PRDM7: variants seen among roughly 807,000 people sequenced by gnomAD.
PRDM7 encodes the protein histone-lysine N-methyltransferase PRDM7.
A neutral mutation model predicts 64.3 loss-of-function variants in PRDM7; 52 were observed. That is an observed-to-expected ratio of 0.81 (90% CI 0.65 to 1.02). The LOEUF (loss-of-function observed/expected upper bound fraction) is 1.02. PRDM7 is among the 50% of genes least tolerant of loss of function. The pLI, the probability that PRDM7 is intolerant of heterozygous loss-of-function variation, is 0.00. For missense variants in PRDM7, 574 were observed against 597.1 expected, an observed-to-expected ratio of 0.96 and a Z score of 0.40; for synonymous variants, 192 against 210.1, an observed-to-expected ratio of 0.91 and a Z score of 0.74.
intron 4 of PRDM7, among the ~76,000 whole-genome samples, chr16:90,067,529 T>C (rs1165829304): frequency 1.3e-5 from 2 of 150,358 alleles, no homozygotes; most frequent in Non-Finnish European, 2.9e-5. Flanking sequence ...ACAAACACAC[T>C]GAACAAACTA....
At position 90,075,371 on chromosome 16, in the gene PRDM7, T is replaced by C. The variant is rs773645588; in HGVS notation, c.173A>G (p.Tyr58Cys). 143 of 1,614,264 alleles carry C rather than the reference T, an allele frequency of 8.9e-5. No homozygotes were observed. In the Middle Eastern group the frequency reaches 9.9e-4, roughly 11 times the overall value. ...GTTACCTACAGTAATCAGTGCATTA[T>C]AGTTCATTTTCACATTCCTATAGCG... ...KTRYRNVKMN[Y>C]NALITVGLRA... The change falls in exon 3 of 11, where the codon TAT becomes TGT. Residue 58 changes from tyrosine (Y) to cysteine (C), a missense_variant. Transcript: ENST00000449207. This position sits in a 1 kb window ranked among gnomAD's most constrained non-coding sequence, Gnocchi z 4.3.
Position 90,060,564 on chromosome 16 carries a change from C to T in PRDM7, c.1010G>A (p.Arg337Lys), listed in dbSNP as rs1303225730. The T allele has an allele frequency of 6.2e-7, 1 of 1,614,106 alleles. No individual in the cohort carries two copies. Among genetic ancestry groups the T allele is most frequent in the Admixed American group, 1.7e-5 (1 of 60,028 alleles). The change falls in exon 10 of 11, where the codon AGG becomes AAG. Residue 337 changes from arginine (R) to lysine (K), a missense_variant. Transcript: ENST00000449207. ...EQNLVAFQYHRQIFYRTCRVI... is the reference protein window; with the variant it reads ...EQNLVAFQYHKQIFYRTCRVI... ...TCGGCAGGTTCTATAGAAGATCTGC[C>T]TGTGGTACTGGAAGGCCACCAGGTT...
intron 4 of PRDM7, among the ~76,000 whole-genome samples, chr16:90,074,283 G>A (rs79034031): frequency 3.4e-5 from 5 of 147,970 alleles, no homozygotes; most frequent in South Asian, 2.2e-4. Context: ...AATCATCATC[G>A]TCATCATCAT....
Position 90,067,644 on chromosome 16 carries a change from G to A in PRDM7, c.302-734C>T, listed in dbSNP as rs548663621. The stretch of plus-strand genomic sequence containing the variant: ...CTCGCTCTGTCACCCAGGCTGGAGT[G>A]CAGGGGCGCGAGGTCGGCTCACTGC... On this transcript the variant is annotated intron_variant, in intron 4 of 10. Transcript: ENST00000449207. 1.8e-3 allele frequency among the ~76,000 whole-genome samples: 254 copies of A among 143,754 alleles called. 1 individual carries two copies. Among genetic ancestry groups the A allele is most frequent in the Non-Finnish European group, 3.1e-3 (208 of 67,134 alleles). The allele number at this position is 143,754 out of a possible 152,430, so 94.3% of individuals were successfully genotyped here. A position where few individuals can be genotyped will look rare whatever the true frequency, so the allele number is the denominator to read the frequency against.
chr16:90,061,818 T>G (rs2037782393), intron 8 of PRDM7, 103 bp downstream of exon 8: 2 of 1,548,092 alleles, frequency 1.3e-6, no homozygotes, highest in African/African-American at 1.4e-5. Context: ...GAGCTAACCA[T>G]GTTATCCCTA....
At chr16:90,065,732 C>G (rs886647178) in intron 5 of PRDM7, among the ~76,000 whole-genome samples, 1 of 151,358 alleles carries the variant, frequency 6.6e-6, no homozygotes, top group Non-Finnish European at 1.5e-5. Flanking sequence ...CAGACTCTGT[C>G]TCAAACTACC....
rs189139820 is a variant in PRDM7 at position 90,068,586 on chromosome 16, T to C, written c.302-1676A>G. 2.0e-3 allele frequency among the ~76,000 whole-genome samples: 289 copies of C among 145,846 alleles called. 3 individuals are homozygous for C. The highest frequency in any genetic ancestry group is 3.4e-3 in the Non-Finnish European group (226 of 67,194). Reference sequence around the variant, plus strand: ...GGAAGTGGAGCTTGTAGTGAGCCGATATCATGCCACTGCACTCCAGCCTGG... The same window carrying C: ...GGAAGTGGAGCTTGTAGTGAGCCGACATCATGCCACTGCACTCCAGCCTGG... On this transcript the variant is annotated intron_variant, in intron 4 of 10. Transcript: ENST00000449207.
At chr16:90,065,374 C>CA (rs2037855581) in intron 5 of PRDM7, among the ~76,000 whole-genome samples, 1 of 63,630 alleles carries the variant, frequency 1.6e-5, no homozygotes, top group South Asian at 4.8e-4. Flanking sequence ...GCCTGGGTAA[C>CA]AAGAGTGAAA....
At position 90,061,443 on chromosome 16, in the gene PRDM7, T is replaced by G; in HGVS notation, c.950+9A>C. On this transcript the variant is annotated intron_variant, in intron 9 of 10. Transcript: ENST00000449207. ...TTCTCTCTGAAACTAAGAGACCTAG[T>G]GGCCTTACCTCATCCAGTTGGCCGA... The G allele has an allele frequency of 6.3e-7, 1 of 1,580,004 alleles. No homozygotes were observed. Among genetic ancestry groups the G allele is most frequent in the Non-Finnish European group, 8.7e-7 (1 of 1,148,952 alleles).
At chr16:90,068,869 C>T (rs2037917275) in intron 4 of PRDM7, among the ~76,000 whole-genome samples, 1 of 151,104 alleles carries the variant, frequency 6.6e-6, no homozygotes, top group African/African-American at 2.5e-5. Flanking sequence ...TAAGGAGACA[C>T]AAATAGATGG....
In PRDM7 at chr16:90,066,526, AT is replaced by A. The variant is rs1446282303; in HGVS notation, c.351+334del. ...TGTGATCCCAGGGATATAACTGAAC[AT>A]TTTTATACCTCAGTTTCCTAACCTG... On this transcript the variant is annotated intron_variant, in intron 5 of 10. Transcript: ENST00000449207. Among the ~76,000 whole-genome samples the A allele has an allele frequency of 4.6e-5, 7 of 151,350 alleles. No individual in the cohort carries two copies. The East Asian group carries it at 1.3e-3, about 29-fold the overall frequency.
At chr16:90,072,294 A>G (rs978468528) in intron 4 of PRDM7, among the ~76,000 whole-genome samples, 1 of 152,208 alleles carries the variant, frequency 6.6e-6, no homozygotes, top group African/African-American at 2.4e-5. Context: ...TAGTTATTAC[A>G]GCATTATTCA....
At position 90,060,415 on chromosome 16, in the gene PRDM7, T is replaced by A. The variant is rs376401117; in HGVS notation, c.1159A>T (p.Met387Leu). 6.2e-7 allele frequency: 1 copy of A among 1,613,076 alleles called. No individual in the cohort carries two copies. The highest frequency in any genetic ancestry group is 8.5e-7 in the Non-Finnish European group (1 of 1,179,744). Residue 387 changes from methionine to leucine, a missense_variant, in exon 10 of 11, where the codon ATG becomes TTG. Met to Leu is a conservative substitution (Grantham distance 15). Transcript: ENST00000449207. ...CAGTTCCTGGCCATACTCATCCCCA[T>A]ACCAGACCAGCAGTTCACAGCCTGG... ...LGQAVNCWSG[M>L]GMSMARNWAS...
At chr16:90,061,404 G>A (rs1167959478) in intron 9 of PRDM7, 48 bp downstream of exon 9, 10 of 1,524,244 alleles carry the variant, frequency 6.6e-6, no homozygotes, top group Admixed American at 1.7e-5. Flanking sequence ...GTCCGGGTTT[G>A]TGAGAGATGG....
chr16:90,062,294 TGTAC>T, intron 7 of PRDM7, 102 bp from the exon 8 acceptor site: 1 of 1,613,758 alleles, frequency 6.2e-7, no homozygotes, highest in Non-Finnish European at 8.5e-7. Flanking sequence ...GCCCCAATCC[TGTAC>T]TTTAATTCAT....
chr16:90,064,517 G>T (rs1388201034), intron 5 of PRDM7, among the ~76,000 whole-genome samples: 1 of 151,950 alleles, frequency 6.6e-6, no homozygotes, highest in African/African-American at 2.4e-5. Context: ...AGGTTCAAGA[G>T]ATTTTCCTAC....
chr16:90,058,609 T>C (rs1360993609), intron 10 of PRDM7, 75 bp from the exon 11 acceptor site: 1 of 1,515,484 alleles, frequency 6.6e-7, no homozygotes, highest in Non-Finnish European at 9.2e-7. Context: ...GAAGATCAAA[T>C]GAAGAACCAG....
chr16:90,073,402 A>AT (rs536683798), intron 4 of PRDM7, among the ~76,000 whole-genome samples: 2,683 of 141,654 alleles, frequency 0.019, 26 homozygotes, highest in Non-Finnish European at 0.021. Context: ...AAGAATGACA[A>AT]TTTTTTTTTT....
chr16:90,075,211 A>T lies in PRDM7; in HGVS notation c.193+140T>A. ...ACACAACCCTGCACTGACGCAAAAG[A>T]ACAATATTTCCCTCCAGATTTGTCT... On this transcript the variant is annotated intron_variant, in intron 3 of 10. Transcript: ENST00000449207. This position sits in a 1 kb window ranked among gnomAD's most constrained non-coding sequence, Gnocchi z 4.3. 1 of 1,511,940 alleles carries T rather than the reference A, an allele frequency of 6.6e-7. No homozygotes were observed. The highest frequency in any genetic ancestry group is 9.1e-7 in the Non-Finnish European group (1 of 1,098,916). 93.7% of individuals were successfully genotyped at this position (1,511,940 alleles called of 1,614,324 possible).
Sources: allele counts gnomAD v4.1 joint callset (sites outside exome capture counted in the v4.1 genomes callset), GRCh38; gene constraint gnomAD v4.1.1; non-coding constraint Gnocchi (gnomAD v3.1); transcripts MANE v1.5; gene names NCBI Gene and HGNC (gene_info 2026-07-23, HGNC 2026-07-21).